The following MYO16 variants were observed in gnomAD, a reference collection of about 807,000 sequenced individuals.
MYO16 encodes the protein myosin XVI.
In MYO16, 94 loss-of-function variants were observed where a neutral mutation model predicts 205.3. The ratio of observed to expected loss-of-function variants is 0.46; its 90% confidence interval spans 0.39 to 0.54. The LOEUF is 0.54. MYO16 is among the 20% of genes least tolerant of loss of function. MYO16 has a pLI of 0.00. For synonymous variants in MYO16, 988 were observed against 954.0 expected (o/e 1.04, Z -0.66); for missense variants, 2,315 against 2,387.5 (o/e 0.97, Z 0.63).
intron 1 of MYO16, chr13:108,596,372 C>T (rs955626888): frequency 1.3e-5 from 2 of 148,978 alleles, no homozygotes; most frequent in East Asian, 4.0e-4. Context: ...ATGTCAGTAT[C>T]AAAACATTTT....
intron 23 of MYO16, among the ~76,000 whole-genome samples, chr13:109,025,168 CT>C (rs1480472085): frequency 3.9e-5 from 6 of 152,092 alleles, no homozygotes; most frequent in Non-Finnish European, 8.8e-5. Context: ...ATTACCTGGT[CT>C]TTTTACTGGA....
chr13:108,733,918 G>A (rs752678482), intron 4 of MYO16, among the ~76,000 whole-genome samples: 5 of 152,262 alleles, frequency 3.3e-5, no homozygotes, highest in South Asian at 2.1e-4. Flanking sequence ...GCAGTGAGCC[G>A]AGATCGCGCC....
chr13:108,856,741 G>A (rs1878194173), intron 11 of MYO16, among the ~76,000 whole-genome samples: 1 of 151,866 alleles, frequency 6.6e-6, no homozygotes, highest in Non-Finnish European at 1.5e-5. Context: ...ATCTAAATAT[G>A]CATTTAATCT....
At chr13:108,809,517 C>T (rs1264774519) in intron 7 of MYO16, among the ~76,000 whole-genome samples, 1 of 152,136 alleles carries the variant, frequency 6.6e-6, no homozygotes. Context: ...GGAACAGGCA[C>T]ATCACACGGT....
intron 23 of MYO16, among the ~76,000 whole-genome samples, chr13:109,037,940 T>C (rs1407827440): frequency 6.6e-6 from 1 of 151,588 alleles, no homozygotes. Context: ...TGGAAAGGAG[T>C]TTATTGAAAG....
chr13:109,084,329 G>A (rs567081893), intron 27 of MYO16, among the ~76,000 whole-genome samples: 3 of 141,390 alleles, frequency 2.1e-5, no homozygotes, highest in East Asian at 4.1e-4. Context: ...CACAACTGCC[G>A]CCTCCTCCGT....
chr13:108,732,862 G>A (rs1884569000), intron 4 of MYO16, among the ~76,000 whole-genome samples: 1 of 152,188 alleles, frequency 6.6e-6, no homozygotes, highest in East Asian at 1.9e-4. Context: ...TGAAGGCAGA[G>A]TTGTCTGTAT....
chr13:108,594,770 G>T (rs1878496380), upstream of MYO16, among the ~76,000 whole-genome samples: 1 of 152,142 alleles, frequency 6.6e-6, no homozygotes, highest in Non-Finnish European at 1.5e-5. Context: ...GCGAATGACA[G>T]GTCTTGTACC....
chr13:108,573,529 A>T, the MYO16 span, among the ~76,000 whole-genome samples: 1 of 152,186 alleles, frequency 6.6e-6, no homozygotes, highest in Non-Finnish European at 1.5e-5. Flanking sequence ...CAAAATTATC[A>T]TGGTAGGAAA....
rs1036532847 is a variant in MYO16 at position 108,821,898 on chromosome 13, G to A, written c.944-1227G>A. Among the ~76,000 whole-genome samples the A allele has an allele frequency of 2.6e-5, 4 of 152,110 alleles. No individual in the cohort carries two copies. In the East Asian group the frequency reaches 5.8e-4, roughly 22 times the overall value. ...GTTGGCAATATGAGACACAGTGCTG[G>A]GCCCATAATAGATCCTCAGTAAAGA... On this transcript the variant is annotated intron_variant, in intron 8 of 34. Coordinates refer to ENST00000457511, the MANE Select transcript of MYO16 (RefSeq NM_001198950.3).
intron 27 of MYO16, among the ~76,000 whole-genome samples, chr13:109,056,546 A>G (rs941166745): frequency 6.6e-6 from 1 of 152,198 alleles, no homozygotes; most frequent in Non-Finnish European, 1.5e-5. Flanking sequence ...TTGTTGTGCT[A>G]TACACTCTAG....
intron 9 of MYO16, among the ~76,000 whole-genome samples, chr13:108,843,965 A>T (rs1259285011): frequency 2.6e-5 from 4 of 152,138 alleles, no homozygotes; most frequent in Non-Finnish European, 5.9e-5. Context: ...TTATACAATT[A>T]TGCCTTTATT....
At chr13:108,865,869 A>G (rs1021972989) in intron 11 of MYO16, among the ~76,000 whole-genome samples, 1 of 152,068 alleles carries the variant, frequency 6.6e-6, no homozygotes, top group Non-Finnish European at 1.5e-5. Context: ...TTTTAAGTCT[A>G]TATTTTTTCA....
chr13:109,110,738 T>C (rs1157279295), intron 28 of MYO16, among the ~76,000 whole-genome samples: 2 of 152,148 alleles, frequency 1.3e-5, no homozygotes, highest in African/African-American at 2.4e-5. Context: ...GTATTAATAG[T>C]AAAATATTCA....
At chr13:109,143,148 C>T (rs1476137366) in intron 32 of MYO16, among the ~76,000 whole-genome samples, 1 of 152,046 alleles carries the variant, frequency 6.6e-6, no homozygotes, top group Admixed American at 6.5e-5. Flanking sequence ...TTTATGCATG[C>T]ATTAACCTGC....
At chr13:108,627,577 G>A (rs545457524), upstream of MYO16, among the ~76,000 whole-genome samples, 58 of 152,198 alleles carry the variant, frequency 3.8e-4, 2 homozygotes, top group South Asian at 4.1e-4. Flanking sequence ...TACATGAGTC[G>A]ATGAAAAATA....
intron 1 of MYO16, among the ~76,000 whole-genome samples, chr13:108,635,772 T>C (rs1449510868): frequency 6.6e-6 from 1 of 152,194 alleles, no homozygotes; most frequent in Admixed American, 6.5e-5. Context: ...AGTGCTGGGA[T>C]TACAGGTATG....
intron 7 of MYO16, among the ~76,000 whole-genome samples, chr13:108,809,281 A>G (rs2138988603): frequency 6.6e-6 from 1 of 152,336 alleles, no homozygotes; most frequent in Non-Finnish European, 1.5e-5. Flanking sequence ...AGCACACCGT[A>G]GCTTTCATAT....
At chr13:109,144,943 A>G (rs1283995508) in intron 32 of MYO16, among the ~76,000 whole-genome samples, 1 of 152,218 alleles carries the variant, frequency 6.6e-6, no homozygotes, top group African/African-American at 2.4e-5. Context: ...CCTTATATGT[A>G]GGATTTCACA....
Sources: gnomAD v4.1 joint callset for allele counts (sites outside exome capture counted in the v4.1 genomes callset) on GRCh38, gnomAD v4.1.1 for gene constraint, MANE v1.5 for transcripts, NCBI Gene and HGNC (gene_info 2026-07-23, HGNC 2026-07-21) for gene names.